The following ARSB variants were observed in gnomAD, a reference collection of about 807,000 sequenced individuals.
ARSB encodes the protein arylsulfatase B.
Under a neutral mutation model 50.9 loss-of-function variants are expected in ARSB, and 41 were observed. The ratio of observed to expected loss-of-function variants is 0.81; its 90% CI spans 0.63 to 1.04. The LOEUF is 1.04. Among genes scored for constraint, ARSB ranks in the 50% least tolerant of loss-of-function variants. ARSB has a pLI of 0.00. For synonymous variants in ARSB, 269 were observed against 284.8 expected (o/e 0.94, Z 0.56); for missense variants, 672 against 693.3 (o/e 0.97, Z 0.35).
rs974411843 is a variant in ARSB, at chr5:78,778,329, C to T, written c.*2068G>A. The stretch of plus-strand genomic sequence containing the variant: ...TTATTAGTTTTAGCACCATTTCCTT[C>T]CAATAGTCTCATTTTAATACAATAC... On this transcript the variant is annotated 3_prime_UTR_variant, in exon 8 of 8. Coordinates refer to ENST00000264914, the MANE Select transcript of ARSB (RefSeq NM_000046.5). The T allele has an allele frequency of 6.6e-6, 1 of 152,176 alleles. No individual in the cohort carries two copies. Among genetic ancestry groups the T allele is most frequent in the Non-Finnish European group, 1.5e-5 (1 of 68,030 alleles). 9.4% of individuals were successfully genotyped at this position (152,176 alleles called of 1,614,324 possible). A position where few individuals can be genotyped will look rare whatever the true frequency, so the allele number is the denominator to read the frequency against.
chr5:78,881,612 A>G (rs541886869), intron 5 of ARSB, among the ~76,000 whole-genome samples: 116 of 152,364 alleles, frequency 7.6e-4, no homozygotes, highest in African/African-American at 2.7e-3. Context: ...ATAATAAAAA[A>G]TCAAGTTAAT....
At chr5:78,888,404 C>T (rs998231182) in intron 4 of ARSB, among the ~76,000 whole-genome samples, 1 of 152,148 alleles carries the variant, frequency 6.6e-6, no homozygotes, top group Non-Finnish European at 1.5e-5. Context: ...TCATGTGATA[C>T]AAAAATACAC....
At chr5:78,827,746 A>C (rs1744497859) in intron 6 of ARSB, among the ~76,000 whole-genome samples, 1 of 152,192 alleles carries the variant, frequency 6.6e-6, no homozygotes, top group Non-Finnish European at 1.5e-5. Context: ...CTTTGTTTGG[A>C]TAATTGGGAG....
chr5:78,902,729 A>T (rs1427660892), intron 4 of ARSB, among the ~76,000 whole-genome samples: 2 of 152,214 alleles, frequency 1.3e-5, no homozygotes, highest in African/African-American at 4.8e-5. Flanking sequence ...ATCCATAAGG[A>T]CAAAACATAG....
intron 5 of ARSB, among the ~76,000 whole-genome samples, chr5:78,845,161 C>T (rs1005819023): frequency 6.6e-6 from 1 of 152,080 alleles, no homozygotes; most frequent in Non-Finnish European, 1.5e-5. Flanking sequence ...GCTTATTTCA[C>T]TTAACATAGT....
At chr5:78,917,129 C>A (rs752984046) in intron 4 of ARSB, among the ~76,000 whole-genome samples, 16 of 152,174 alleles carry the variant, frequency 1.1e-4, no homozygotes, top group South Asian at 4.1e-4. Context: ...GGAGTCAACC[C>A]TGTCAGGTCA....
At chr5:78,931,413 A>C (rs535347074) in intron 4 of ARSB, among the ~76,000 whole-genome samples, 1 of 152,310 alleles carries the variant, frequency 6.6e-6, no homozygotes, top group South Asian at 2.1e-4. Context: ...AATGTTAAAA[A>C]GATTCCAGAC....
chr5:78,809,709 G>A (rs961538726), intron 6 of ARSB, among the ~76,000 whole-genome samples: 8 of 152,246 alleles, frequency 5.3e-5, no homozygotes, highest in South Asian at 2.1e-4. Flanking sequence ...TGCCAGTCAC[G>A]CTTCACTCCA....
intron 5 of ARSB, among the ~76,000 whole-genome samples, chr5:78,860,681 C>T (rs1192800048): frequency 6.6e-6 from 1 of 152,084 alleles, no homozygotes. Context: ...ACTTGACACC[C>T]TAACATCACA....
intron 2 of ARSB, among the ~76,000 whole-genome samples, chr5:78,967,377 T>A (rs1039228633): frequency 6.6e-6 from 1 of 152,092 alleles, no homozygotes; most frequent in African/African-American, 2.4e-5. Flanking sequence ...TTCGGACAAA[T>A]AAATTTCAAA....
intron 3 of ARSB, among the ~76,000 whole-genome samples, chr5:78,960,397 A>G (rs2112500497): frequency 6.6e-6 from 1 of 152,266 alleles, no homozygotes; most frequent in East Asian, 1.9e-4. Flanking sequence ...ATAGGTTTTG[A>G]AATTGTTTTT....
intron 6 of ARSB, chr5:78,816,013 C>A: frequency 1.9e-6 from 3 of 1,540,960 alleles, no homozygotes; most frequent in South Asian, 1.1e-5. Flanking sequence ...CTTGAGGGGC[C>A]CTTTCAGAAC....
intron 3 of ARSB, among the ~76,000 whole-genome samples, chr5:78,958,815 A>T (rs536923048): frequency 6.7e-6 from 1 of 148,342 alleles, no homozygotes; most frequent in African/African-American, 2.6e-5. Flanking sequence ...ATTGTCCTGT[A>T]CCTAACTCAG....
At chr5:78,929,204 G>A (rs1750201327) in intron 4 of ARSB, among the ~76,000 whole-genome samples, 1 of 152,170 alleles carries the variant, frequency 6.6e-6, no homozygotes, top group Non-Finnish European at 1.5e-5. Flanking sequence ...ACCTCACACA[G>A]TCCCCGAGTT....
intron 4 of ARSB, among the ~76,000 whole-genome samples, chr5:78,908,548 G>A (rs1749165909): frequency 6.6e-6 from 1 of 152,134 alleles, no homozygotes; most frequent in South Asian, 2.1e-4. Flanking sequence ...AAACGGGCAG[G>A]CTCTGTGCGG....
chr5:78,781,919 T>C lies in ARSB; in HGVS notation c.1269A>G (p.Ser423=). 6.2e-7 allele frequency: 1 copy of C among 1,614,166 alleles called. No individual in the cohort carries two copies. Among genetic ancestry groups the C allele is most frequent in the Non-Finnish European group, 8.5e-7 (1 of 1,179,994 alleles). ...AKDDSSLPEY[S]AFNTSVHAAI... ...CAGCATGGACAGATGTGTTAAAGGC[T>C]GAATATTCTGGAAGAGAAGAGTCAT... The change falls in exon 7 of 8, where the codon TCA becomes TCG. Residue 423 remains serine, a synonymous_variant. Coordinates refer to ENST00000264914, the MANE Select transcript of ARSB (RefSeq NM_000046.5).
upstream of ARSB, chr5:78,985,358 C>CGCTGGGGGTGCCGT: frequency 9.2e-7 from 1 of 1,089,192 alleles, no homozygotes; most frequent in Non-Finnish European, 1.2e-6. Flanking sequence ...CGGGACGGCA[C>CGCTGGGGGTGCCGT]CCCCAGCGGG....
intron 4 of ARSB, among the ~76,000 whole-genome samples, chr5:78,934,766 G>A (rs756709343): frequency 4.0e-5 from 6 of 151,886 alleles, no homozygotes; most frequent in African/African-American, 9.7e-5. Flanking sequence ...ACTGCACTAC[G>A]GCCTGGGTGA....
chr5:78,781,362 AG>A (rs1448481209), intron 7 of ARSB, among the ~76,000 whole-genome samples: 2 of 103,138 alleles, frequency 1.9e-5, no homozygotes, highest in East Asian at 6.8e-4. Context: ...TAGGACGAGT[AG>A]GTTAAACCAT....
Sources: allele counts gnomAD v4.1 joint callset (sites outside exome capture counted in the v4.1 genomes callset), GRCh38; gene constraint gnomAD v4.1.1; transcripts MANE v1.5; gene names NCBI Gene and HGNC (gene_info 2026-07-23, HGNC 2026-07-21).